The following TNFRSF14 variants were observed in gnomAD, a reference collection of about 807,000 sequenced individuals.
TNFRSF14 encodes tumor necrosis factor receptor superfamily member 14.
In TNFRSF14, 18 loss-of-function variants were observed where a neutral mutation model predicts 34.1. That is an observed-to-expected ratio of 0.53 (90% CI 0.36 to 0.78). The LOEUF (loss-of-function observed/expected upper bound fraction) is 0.78. Among genes scored for constraint, TNFRSF14 ranks in the 30% least tolerant of loss-of-function variants. The pLI is 0.00. For synonymous variants in TNFRSF14, 157 were observed against 153.2 expected, an observed-to-expected ratio of 1.02 and a Z score of -0.18; for missense variants, 352 against 379.5, an observed-to-expected ratio of 0.93 and a Z score of 0.60.
Position 2,556,489 on chromosome 1 carries a change from C to A in TNFRSF14, c.-176C>A. The A allele has an allele frequency of 5.5e-6, 4 of 731,300 alleles. No homozygotes were observed. Among genetic ancestry groups the A allele is most frequent in the Non-Finnish European group, 4.9e-6 (2 of 410,294 alleles). 45.3% of individuals were successfully genotyped at this position (731,300 alleles called of 1,614,324 possible). A position where few individuals can be genotyped will look rare whatever the true frequency, so the allele number is the denominator to read the frequency against. ...AGCCCCTCTCTGCTGCCAGACACCC[C>A]CTGCTGCCCACTCTCCTGCTGCTCG... On this transcript the variant is annotated 5_prime_UTR_variant, in exon 1 of 8. Coordinates refer to ENST00000355716, the MANE Select transcript of TNFRSF14 (RefSeq NM_003820.4).
intron 7 of TNFRSF14, 101 bp from the exon 8 acceptor site, chr1:2,563,047 G>T: frequency 6.3e-7 from 1 of 1,587,800 alleles, no homozygotes; most frequent in Non-Finnish European, 8.6e-7. Context: ...GCTCAGGAAA[G>T]AACCCACCCC....
In TNFRSF14 at chr1:2,559,880, G is replaced by T; in HGVS notation, c.362G>T (p.Cys121Phe). ...AGGACAGAGAACGCCGTGTGTGGCT[G>T]CAGCCCAGGCCACTTCTGCATCGTC... ...CSRTENAVCGCSPGHFCIVQD... is the reference protein window; with the variant it reads ...CSRTENAVCGFSPGHFCIVQD... The change falls in exon 4 of 8, where the codon TGC becomes TTC. Residue 121 changes from cysteine (C) to phenylalanine (F), a missense_variant. Physicochemically the swap from Cys to Phe is radical, Grantham distance 205. Coordinates refer to ENST00000355716, the MANE Select transcript of TNFRSF14 (RefSeq NM_003820.4). The T allele has an allele frequency of 1.2e-6, 2 of 1,604,728 alleles. No individual in the cohort carries two copies. Among genetic ancestry groups the T allele is most frequent in the Non-Finnish European group, 1.7e-6 (2 of 1,176,438 alleles).
chr1:2,556,183 C>G (rs1178218665), upstream of TNFRSF14: 1 of 414,012 alleles, frequency 2.4e-6, no homozygotes, highest in East Asian at 4.6e-5. Flanking sequence ...AACAGGAAAC[C>G]CACAGGGCCC....
At chr1:2,555,206 C>G (rs1162004872), upstream of TNFRSF14, 1 of 152,302 alleles carries the variant, frequency 6.6e-6, no homozygotes, top group Non-Finnish European at 1.5e-5. The surrounding 1 kb of genome is among the most constrained non-coding windows in gnomAD (Gnocchi z 6.3). Context: ...CTCGTCCACC[C>G]TGGATGCTGG....
chr1:2,558,798 G>A, intron 3 of TNFRSF14: 1 of 1,317,934 alleles, frequency 7.6e-7, no homozygotes, highest in Non-Finnish European at 9.8e-7. Context: ...GCTGCAAAGT[G>A]GAATGGGATG....
chr1:2,558,854 A>G, intron 3 of TNFRSF14: 1 of 1,323,208 alleles, frequency 7.6e-7, no homozygotes. Flanking sequence ...GCTTCCCCAC[A>G]GGGCTTCTTG....
chr1:2,562,647 G>T, intron 6 of TNFRSF14: 1 of 655,920 alleles, frequency 1.5e-6, no homozygotes. Flanking sequence ...GGCGCCCCCA[G>T]TCCTATCACC....
Position 2,556,647 on chromosome 1 carries a change from C to T in TNFRSF14, c.-18C>T, listed in dbSNP as rs761744216. 23 of 1,608,320 alleles carry T rather than the reference C, an allele frequency of 1.4e-5. No individual in the cohort carries two copies. The South Asian group carries it at 2.2e-4, about 16-fold the overall frequency. On this transcript the variant is annotated 5_prime_UTR_variant, in exon 1 of 8. Coordinates refer to ENST00000355716, the MANE Select transcript of TNFRSF14 (RefSeq NM_003820.4). ...TCCTGCTAGCTGGGTTCCCGAGCTG[C>T]CGGTCTGAGCCTGAGGCATGGAGCC...
At chr1:2,560,977 A>G in intron 5 of TNFRSF14, 3 of 486,742 alleles carry the variant, frequency 6.2e-6, no homozygotes, top group Non-Finnish European at 1.1e-5. Context: ...GCAGGCCCAG[A>G]GGGAGGCTGC....
intron 3 of TNFRSF14, 55 bp from the exon 4 acceptor site, chr1:2,559,768 T>C: frequency 6.4e-7 from 1 of 1,564,248 alleles, no homozygotes; most frequent in Non-Finnish European, 8.6e-7. Flanking sequence ...TCCTGGCCCG[T>C]GGATGGTGTC....
At chr1:2,560,993 G>T in intron 5 of TNFRSF14, 1 of 476,138 alleles carries the variant, frequency 2.1e-6, no homozygotes, top group East Asian at 3.4e-5. Context: ...GCTGCCTCCA[G>T]ATCCCCTGTC....
At chr1:2,557,900 C>A in intron 2 of TNFRSF14, 66 bp downstream of exon 2, 1 of 1,307,482 alleles carries the variant, frequency 7.6e-7, no homozygotes, top group Non-Finnish European at 1.1e-6. Context: ...CCCCTTCTGC[C>A]CCAGACACCC....
At chr1:2,562,022 G>A (rs957126074) in intron 6 of TNFRSF14, 3 of 619,466 alleles carry the variant, frequency 4.8e-6, no homozygotes, top group African/African-American at 3.7e-5. Context: ...GGGAAGGTGG[G>A]ACCCCTGACC....
At chr1:2,556,362 G>A (rs188566624), upstream of TNFRSF14, 12 of 647,274 alleles carry the variant, frequency 1.9e-5, no homozygotes, top group Non-Finnish European at 3.1e-5. Flanking sequence ...CCCATCGGGC[G>A]CCTCCTTCAT....
At chr1:2,556,357 C>T (rs922512608), upstream of TNFRSF14, 8 of 641,064 alleles carry the variant, frequency 1.2e-5, no homozygotes, top group East Asian at 6.1e-5. Context: ...CCCCTCCCAT[C>T]GGGCGCCTCC....
chr1:2,554,568 G>A (rs563290312), upstream of TNFRSF14, among the ~76,000 whole-genome samples: 28 of 152,306 alleles, frequency 1.8e-4, no homozygotes, highest in African/African-American at 6.0e-4. The surrounding 1 kb of genome is among the most constrained non-coding windows in gnomAD (Gnocchi z 4.2). Flanking sequence ...ACCTGGCACT[G>A]TCTGTGCCCT....
rs1289217463 is a variant in TNFRSF14 at position 2,563,124 on chromosome 1, T to C, written c.727-24T>C. 3 of 1,611,882 alleles carry C rather than the reference T, an allele frequency of 1.9e-6. No individual in the cohort carries two copies. The Admixed American group carries it at 5.0e-5, about 27-fold the overall frequency. On this transcript the variant is annotated intron_variant, in intron 7 of 7. Coordinates refer to ENST00000355716, the MANE Select transcript of TNFRSF14 (RefSeq NM_003820.4). ...CCCAGGGGGGCCTGAGCAGGCAGGGTCTCCACGATTCGTGTGCTCACAGCG... is the reference window on the plus strand; with the variant it reads ...CCCAGGGGGGCCTGAGCAGGCAGGGCCTCCACGATTCGTGTGCTCACAGCG...
intron 2 of TNFRSF14, 51 bp from the exon 3 acceptor site, chr1:2,558,292 C>A (rs1019852114): frequency 5.1e-6 from 8 of 1,559,298 alleles, no homozygotes; most frequent in African/African-American, 2.8e-5. Context: ...TGGGTGGGCT[C>A]CCGAAGGGGC....
At position 2,556,709 on chromosome 1, in the gene TNFRSF14, C is replaced by T. The variant is rs1295736620; in HGVS notation, c.45C>T (p.Thr15=). The change falls in exon 1 of 8, where the codon ACC becomes ACT. Residue 15 remains threonine, a synonymous_variant. Transcript: ENST00000355716. ...GDWGPPPWRS[T]PKTDVLRLVL... is the part of the protein sequence containing the mutation. The stretch of plus-strand genomic sequence containing the variant: ...GGGGGCCTCCTCCCTGGAGATCCAC[C>T]CCCAAAACCGACGTCTTGAGGCTGG... The T allele has an allele frequency of 6.2e-7, 1 of 1,607,336 alleles. No homozygotes were observed. The highest frequency in any genetic ancestry group is 1.1e-5 in the South Asian group (1 of 89,878).
Sources: allele counts gnomAD v4.1 joint callset (sites outside exome capture counted in the v4.1 genomes callset), GRCh38; gene constraint gnomAD v4.1.1; non-coding constraint Gnocchi (gnomAD v3.1); transcripts MANE v1.5; gene names NCBI Gene and HGNC (gene_info 2026-07-23, HGNC 2026-07-21).